The following PIGF variants were observed in gnomAD, a reference collection of about 807,000 sequenced individuals.
PIGF encodes the protein GPI ethanolamine phosphate transferase, stabilizing subunit.
PIGF carries 23 observed loss-of-function variants against 26.0 expected under a neutral mutation model. The ratio of observed to expected loss-of-function variants is 0.88; its 90% CI spans 0.64 to 1.25. The LOEUF (loss-of-function observed/expected upper bound fraction) is 1.25. PIGF is among the 50% of genes most tolerant of loss of function. PIGF has a pLI of 0.00. For missense variants in PIGF, 278 were observed against 249.9 expected (o/e 1.11, Z -0.76); for synonymous variants, 93 against 92.6 (o/e 1.00, Z -0.03).
intron 4 of PIGF, among the ~76,000 whole-genome samples, chr2:46,594,104 C>G (rs1201823910): frequency 2.0e-5 from 3 of 152,140 alleles, no homozygotes; most frequent in Non-Finnish European, 4.4e-5. Context: ...AACTAGCATT[C>G]AATAGAACAG....
rs767784266 is a variant in PIGF, at chr2:46,588,060, G to A, written c.546+4415C>T. 1.7e-5 allele frequency: 26 copies of A among 1,544,466 alleles called. No individual in the cohort carries two copies. Among genetic ancestry groups the A allele is most frequent in the Admixed American group, 4.2e-5 (2 of 47,820 alleles). On this transcript the variant is annotated intron_variant, in intron 5 of 5. Transcript: ENST00000281382. The surrounding 1 kb of genome is among the most constrained non-coding windows in gnomAD (Gnocchi z 4.1). ...ACTTGGACTTTCTAGTGTATAAAAT[G>A]GGAGTAAAACCTACCTTGCACTACG...
intron 5 of PIGF, among the ~76,000 whole-genome samples, chr2:46,586,991 A>T (rs1669600137): frequency 6.6e-6 from 1 of 152,244 alleles, no homozygotes; most frequent in African/African-American, 2.4e-5. Context: ...GGTTCTGGTC[A>T]CAACTCGTGC....
At chr2:46,593,800 T>C (rs140580276) in intron 4 of PIGF, among the ~76,000 whole-genome samples, 157 of 152,324 alleles carry the variant, frequency 1.0e-3, no homozygotes, top group African/African-American at 3.6e-3. Context: ...GGAAAACATT[T>C]GTTTTGTTAG....
chr2:46,616,983 C>G lies in PIGF; in HGVS notation c.-35G>C. 2 of 540,164 alleles carry G rather than the reference C, an allele frequency of 3.7e-6. No homozygotes were observed. Among genetic ancestry groups the G allele is most frequent in the South Asian group, 4.1e-5 (2 of 48,230 alleles). 33.5% of individuals were successfully genotyped at this position (540,164 alleles called of 1,614,324 possible). ...AGCGGGGCTTACCTAACTCTCCCTC[C>G]CGCGGAAGGGAAGCGGGGAACTACT... On this transcript the variant is annotated 5_prime_UTR_variant, in exon 1 of 6. Coordinates refer to ENST00000281382, the MANE Select transcript of PIGF (RefSeq NM_002643.4).
chr2:46,592,325 G>A lies in PIGF; in HGVS notation c.546+150C>T, dbSNP rs1669746789. On this transcript the variant is annotated intron_variant, in intron 5 of 5. Coordinates refer to ENST00000281382, the MANE Select transcript of PIGF (RefSeq NM_002643.4). The stretch of plus-strand genomic sequence containing the variant: ...TGTGGCACTGGACAGTCCCCATTAA[G>A]AAGCTGCCCAGATTACAGTGACTGA... The A allele has an allele frequency of 3.3e-6, 2 of 608,406 alleles. 1 individual carries two copies. Among genetic ancestry groups the A allele is most frequent in the Admixed American group, 5.4e-5 (2 of 36,976 alleles). The allele number at this position is 608,406 out of a possible 1,614,324, so 37.7% of individuals were successfully genotyped here.
intron 4 of PIGF, among the ~76,000 whole-genome samples, chr2:46,605,402 C>T (rs903045870): frequency 6.6e-6 from 1 of 152,080 alleles, no homozygotes; most frequent in Non-Finnish European, 1.5e-5. Flanking sequence ...TATCTATGCA[C>T]TGTGCTCCTT....
At chr2:46,612,383 A>C (rs745550570) in intron 3 of PIGF, 39 bp from the exon 4 acceptor site, 2 of 727,022 alleles carry the variant, frequency 2.8e-6, no homozygotes, top group African/African-American at 3.7e-5. Flanking sequence ...AAAAGTGTTA[A>C]AGGTAAACAT....
chr2:46,592,419 G>C, intron 5 of PIGF, 56 bp downstream of exon 5: 1 of 912,744 alleles, frequency 1.1e-6, no homozygotes. Context: ...TGCTTCATCT[G>C]TTTTACTATC....
intron 4 of PIGF, among the ~76,000 whole-genome samples, chr2:46,608,809 C>T (rs868506368): frequency 6.6e-6 from 1 of 152,002 alleles, no homozygotes; most frequent in Admixed American, 6.6e-5. Context: ...CAAAAGTGAG[C>T]TTAAAATATT....
chr2:46,604,427 C>G (rs1312097702), intron 4 of PIGF, among the ~76,000 whole-genome samples: 1 of 151,872 alleles, frequency 6.6e-6, no homozygotes, highest in African/African-American at 2.4e-5. Flanking sequence ...CATCACTAAT[C>G]ACAATAGCCA....
At chr2:46,616,921 A>C in intron 1 of PIGF, 49 bp downstream of exon 1, 2 of 405,598 alleles carry the variant, frequency 4.9e-6, no homozygotes, top group Non-Finnish European at 4.5e-6. Context: ...TCGCGGGGGT[A>C]GCTTGCACCT....
intron 4 of PIGF, among the ~76,000 whole-genome samples, chr2:46,596,766 C>T (rs1475354987): frequency 2.6e-5 from 4 of 152,114 alleles, no homozygotes; most frequent in African/African-American, 9.7e-5. Context: ...AAGCTGCCTA[C>T]CTCCACATAC....
chr2:46,610,543 T>TC (rs1395338347), intron 4 of PIGF, among the ~76,000 whole-genome samples: 3,474 of 149,136 alleles, frequency 0.023, 40 homozygotes, highest in Middle Eastern at 0.041. Flanking sequence ...TTTTTTTTTT[T>TC]TTTTGAGACA....
intron 4 of PIGF, among the ~76,000 whole-genome samples, chr2:46,598,467 G>C (rs1669956202): frequency 6.7e-6 from 1 of 150,354 alleles, no homozygotes; most frequent in African/African-American, 2.5e-5. Flanking sequence ...GCCACATGTG[G>C]CCCAGGATGG....
intron 5 of PIGF, 100 bp downstream of exon 5, chr2:46,592,375 G>T: frequency 1.5e-6 from 1 of 683,236 alleles, no homozygotes; most frequent in South Asian, 1.7e-5. Context: ...CTACTTAATT[G>T]AACAACAAAA....
chr2:46,609,959 G>A (rs1019206109), intron 4 of PIGF, among the ~76,000 whole-genome samples: 1 of 152,214 alleles, frequency 6.6e-6, no homozygotes, highest in Non-Finnish European at 1.5e-5. Flanking sequence ...TTTGCTTGAT[G>A]CAGGGTTGCC....
chr2:46,585,428 T>A (rs1484640397), intron 5 of PIGF, among the ~76,000 whole-genome samples: 3 of 152,098 alleles, frequency 2.0e-5, no homozygotes, highest in Non-Finnish European at 4.4e-5. Context: ...AAAATCTAAT[T>A]AAAAAATAAG....
chr2:46,586,702 G>C (rs1246651497), intron 5 of PIGF, among the ~76,000 whole-genome samples: 2 of 152,178 alleles, frequency 1.3e-5, no homozygotes, highest in Admixed American at 6.5e-5. Flanking sequence ...ATCTTTCAAA[G>C]CCTGCTGACC....
In PIGF at chr2:46,589,918, T is replaced by G. The variant is rs914996935; in HGVS notation, c.546+2557A>C. ...CTTTAGTTTATTAGTAAATAACTGC[T>G]AAAAGGGCAAGGAGCAGATGAGTGC... On this transcript the variant is annotated intron_variant, in intron 5 of 5. Transcript: ENST00000281382. This position sits in a 1 kb window ranked among gnomAD's most constrained non-coding sequence, Gnocchi z 4.7. 1.3e-5 allele frequency among the ~76,000 whole-genome samples: 2 copies of G among 152,050 alleles called. No homozygotes were observed. The highest frequency in any genetic ancestry group is 4.8e-5 in the African/African-American group (2 of 41,438).
Sources: gnomAD v4.1 joint callset for allele counts (sites outside exome capture counted in the v4.1 genomes callset) on GRCh38, gnomAD v4.1.1 for gene constraint, Gnocchi (gnomAD v3.1) non-coding constraint, MANE v1.5 for transcripts, NCBI Gene and HGNC (gene_info 2026-07-23, HGNC 2026-07-21) for gene names.